The following ABR variants were observed in gnomAD, a reference collection of about 807,000 sequenced individuals.
ABR encodes active breakpoint cluster region-related protein.
Under a neutral mutation model 107.2 loss-of-function variants are expected in ABR, and 35 were observed. The ratio of observed to expected loss-of-function variants is 0.33; its 90% CI spans 0.25 to 0.43. The LOEUF is 0.43. Among genes scored for constraint, ABR ranks in the 20% least tolerant of loss-of-function variants. The probability of loss-of-function intolerance (pLI) is 1.00; values close to 1 mark genes in which losing one functional copy is unlikely to be tolerated. For missense variants in ABR, 815 were observed against 1,115.2 expected (o/e 0.73, Z 3.83); for synonymous variants, 498 against 462.0 (o/e 1.08, Z -1.00).
chr17:1,179,696 C>G lies in ABR; in HGVS notation c.32G>C (p.Arg11Pro). 6.4e-7 allele frequency: 1 copy of G among 1,558,590 alleles called. No individual in the cohort carries two copies. Among genetic ancestry groups the G allele is most frequent in the Non-Finnish European group, 8.7e-7 (1 of 1,152,680 alleles). Reference protein sequence around the residue: MEPLSHRGLPRLSWIDTLYSN... With the variant: MEPLSHRGLPPLSWIDTLYSN... ...GTAGAGGGTGTCGATCCAGGACAGG[C>G]GCGGCAGGCCCCGGTGGCTGAGCGG... is the stretch of plus-strand genomic sequence containing the variant. The change falls in exon 1 of 23, where the codon CGC (arginine) becomes CCC (proline). Residue 11 changes from arginine to proline, a missense_variant. This residue lies in a region of ABR where 129 missense variants were observed against 124.8 expected (regional missense o/e 1.03). Coordinates refer to ENST00000302538, the MANE Select transcript of ABR (RefSeq NM_021962.5). The surrounding 1 kb of genome is among the most constrained non-coding windows in gnomAD (Gnocchi z 4.9).
chr17:1,020,281 C>T (rs1446636592), intron 16 of ABR, among the ~76,000 whole-genome samples: 1 of 152,198 alleles, frequency 6.6e-6, no homozygotes, highest in African/African-American at 2.4e-5. Flanking sequence ...CGGGGTTTCA[C>T]CGTGTTGGCC....
chr17:1,018,802 A>G (rs1027392202), intron 16 of ABR, among the ~76,000 whole-genome samples: 7 of 152,180 alleles, frequency 4.6e-5, no homozygotes, highest in Non-Finnish European at 1.0e-4. Context: ...ACACTGATGA[A>G]TCCTCTACAC....
Position 1,148,589 on chromosome 17 carries a change from G to A in ABR, c.62-23222C>T, listed in dbSNP as rs189803590. ...ACCCCCTGAACCCCACTTCCCATCC[G>A]AGCAGCAGCGGCATTAGGTTCTCGT... On this transcript the variant is annotated intron_variant, in intron 1 of 22. Coordinates refer to ENST00000302538, the MANE Select transcript of ABR (RefSeq NM_021962.5). This position sits in a 1 kb window ranked among gnomAD's most constrained non-coding sequence, Gnocchi z 4.9. 6.6e-5 allele frequency among the ~76,000 whole-genome samples: 10 copies of A among 152,330 alleles called. No homozygotes were observed. The East Asian group carries it at 1.7e-3, about 26-fold the overall frequency.
At chr17:1,031,462 G>T (rs547506577) in intron 16 of ABR, 83 of 595,098 alleles carry the variant, frequency 1.4e-4, no homozygotes, top group African/African-American at 1.3e-3. Flanking sequence ...GACGCGCACA[G>T]ACCCCAGCTC....
chr17:1,095,779 G>A (rs142766946), intron 3 of ABR, among the ~76,000 whole-genome samples: 2 of 152,196 alleles, frequency 1.3e-5, no homozygotes, highest in Non-Finnish European at 2.9e-5. Flanking sequence ...CCCAGCGACC[G>A]GCCTTTCGAA....
intron 1 of ABR, among the ~76,000 whole-genome samples, chr17:1,173,022 C>CCT (rs2041780085): frequency 7.5e-6 from 1 of 134,100 alleles, no homozygotes; most frequent in East Asian, 2.2e-4. Flanking sequence ...GTCCACCCAA[C>CCT]ACATCACCTC....
chr17:1,121,176 C>A (rs541824596), intron 2 of ABR, among the ~76,000 whole-genome samples: 1 of 152,322 alleles, frequency 6.6e-6, no homozygotes, highest in Admixed American at 6.5e-5. Flanking sequence ...GGATCCATGT[C>A]TTGGGGACAC....
chr17:1,181,518 T>A (rs149096415), upstream of ABR, among the ~76,000 whole-genome samples: 1 of 152,124 alleles, frequency 6.6e-6, no homozygotes, highest in Admixed American at 6.5e-5. Flanking sequence ...TCCCTGCAGC[T>A]GTCACCCTCC....
intron 2 of ABR, among the ~76,000 whole-genome samples, chr17:1,102,748 C>T (rs943389219): frequency 1.3e-5 from 2 of 152,164 alleles, no homozygotes; most frequent in Admixed American, 6.6e-5. Flanking sequence ...CTCCCTCTGT[C>T]GCCCAGGGCT....
intron 16 of ABR, among the ~76,000 whole-genome samples, chr17:1,014,298 G>A (rs575219132): frequency 9.5e-5 from 13 of 136,366 alleles, no homozygotes; most frequent in East Asian, 2.4e-4. Flanking sequence ...AAAATTAGCC[G>A]GGCGTGGTGG....
chr17:1,100,239 C>T (rs529285181), intron 3 of ABR, among the ~76,000 whole-genome samples: 1 of 152,036 alleles, frequency 6.6e-6, no homozygotes, highest in South Asian at 2.1e-4. Flanking sequence ...AGGACTTGGA[C>T]ACAAGACGGC....
intron 1 of ABR, among the ~76,000 whole-genome samples, chr17:1,164,677 C>A (rs958240439): frequency 6.6e-6 from 1 of 152,092 alleles, no homozygotes; most frequent in Admixed American, 6.5e-5. Context: ...ACTTACTTTT[C>A]TTTTTTTGAG....
At chr17:1,100,865 C>G in intron 2 of ABR, 130 bp from the exon 3 acceptor site, 1 of 863,262 alleles carries the variant, frequency 1.2e-6, no homozygotes, top group Non-Finnish European at 1.8e-6. Context: ...GCTCTGTCAC[C>G]TAGGCTGAAG....
intron 1 of ABR, among the ~76,000 whole-genome samples, chr17:1,193,419 G>A (rs1318526992): frequency 6.6e-6 from 1 of 152,210 alleles, no homozygotes; most frequent in East Asian, 1.9e-4. Context: ...TTCGCAAGCA[G>A]CCTCTCTATG....
intron 16 of ABR, among the ~76,000 whole-genome samples, chr17:1,016,304 G>A (rs1474384833): frequency 6.7e-6 from 1 of 149,294 alleles, no homozygotes; most frequent in Non-Finnish European, 1.5e-5. Flanking sequence ...TCTGAACACT[G>A]ACCCCAACGT....
intron 1 of ABR, among the ~76,000 whole-genome samples, chr17:1,205,288 C>G (rs1469308212): frequency 6.6e-6 from 1 of 152,122 alleles, no homozygotes; most frequent in East Asian, 1.9e-4. Context: ...TCTCATACAT[C>G]AAATGGGGGC....
intron 2 of ABR, chr17:1,108,974 G>T: frequency 6.3e-7 from 1 of 1,597,672 alleles, no homozygotes; most frequent in Non-Finnish European, 8.5e-7. Context: ...GCCGGGGCTG[G>T]TCGGGGTTCC....
At chr17:1,142,478 G>A (rs575945388) in intron 1 of ABR, among the ~76,000 whole-genome samples, 8 of 152,094 alleles carry the variant, frequency 5.3e-5, no homozygotes, top group South Asian at 4.2e-4. Context: ...CCAGCTACTC[G>A]GGGGGCTGAG....
chr17:1,226,010 C>T (rs1334716887), intron 1 of ABR, among the ~76,000 whole-genome samples: 4 of 152,266 alleles, frequency 2.6e-5, no homozygotes, highest in South Asian at 2.1e-4. Context: ...AGAACCGAAA[C>T]GGAGTCCAAA....
Sources: gnomAD v4.1 joint callset for allele counts (sites outside exome capture counted in the v4.1 genomes callset) on GRCh38, gnomAD v4.1.1 for gene constraint, gnomAD v4.1.1 regional missense constraint, Gnocchi (gnomAD v3.1) non-coding constraint, MANE v1.5 for transcripts, NCBI Gene and HGNC (gene_info 2026-07-23, HGNC 2026-07-21) for gene names.